Variants in FXYD6 observed in about 807,000 individuals in gnomAD.
The protein encoded by FXYD6 is FXYD domain containing ion transport regulator 6, also known as FXYD domain-containing ion transport regulator 6.
In FXYD6, 7 loss-of-function variants were observed where a neutral mutation model predicts 16.7. The ratio of observed to expected loss-of-function variants is 0.42; its 90% CI spans 0.24 to 0.79. The LOEUF is 0.79. Ranked by LOEUF, FXYD6 falls within the 30% of genes least tolerant of loss-of-function variation. The probability of loss-of-function intolerance (pLI) is 0.28; values close to 1 mark genes in which losing one functional copy is unlikely to be tolerated. For synonymous variants in FXYD6, 49 were observed against 43.0 expected (o/e 1.14, Z -0.54); for missense variants, 111 against 116.2 (o/e 0.95, Z 0.21).
At chr11:117,841,103 C>T (rs200247103) in intron 5 of FXYD6, 45 bp downstream of exon 5, 2 of 1,612,828 alleles carry the variant, frequency 1.2e-6, no homozygotes, top group African/African-American at 2.7e-5. Context: ...CCTTCCTGTC[C>T]CACCTAGTAT....
chr11:117,858,136 G>A (rs776240556), intron 1 of FXYD6: 1 of 152,206 alleles, frequency 6.6e-6, no homozygotes, highest in Non-Finnish European at 1.5e-5. Flanking sequence ...CCCCACTCCA[G>A]CGTCCCCCTG....
chr11:117,877,112 A>G (rs2057288628), upstream of FXYD6: 1 of 152,270 alleles, frequency 6.6e-6, no homozygotes, highest in South Asian at 2.1e-4. Context: ...AACCCCGAGG[A>G]ACGGAAAAAT....
intron 1 of FXYD6, among the ~76,000 whole-genome samples, chr11:117,849,342 C>A (rs2056549616): frequency 6.6e-6 from 1 of 152,118 alleles, no homozygotes; most frequent in African/African-American, 2.4e-5. Context: ...TTAAGTGCAC[C>A]AAGGTCACAA....
chr11:117,840,999 C>T, intron 5 of FXYD6, 149 bp downstream of exon 5: 1 of 1,021,240 alleles, frequency 9.8e-7, no homozygotes, highest in Non-Finnish European at 1.4e-6. Flanking sequence ...CCTGGCAGTC[C>T]TCAAACTTCC....
At chr11:117,857,020 G>C (rs565530) in intron 1 of FXYD6, among the ~76,000 whole-genome samples, 1 of 151,890 alleles carries the variant, frequency 6.6e-6, no homozygotes, top group African/African-American at 2.4e-5. Context: ...CAAAGGGAAG[G>C]GGGGTAGCCT....
intron 1 of FXYD6, among the ~76,000 whole-genome samples, chr11:117,859,336 G>A (rs910606360): frequency 6.6e-6 from 1 of 152,138 alleles, no homozygotes; most frequent in African/African-American, 2.4e-5. Flanking sequence ...GACTCACACT[G>A]CACACTTCCC....
Position 117,838,087 on chromosome 11 carries a change from C to A in FXYD6, c.*212G>T. ...CACACATCACGGGAGGTGGGCAGGA[C>A]CGCAGGCTGCAGTGGGGAGGCAAGT... is the stretch of plus-strand genomic sequence containing the variant. On this transcript the variant is annotated 3_prime_UTR_variant, in exon 8 of 8. Coordinates refer to ENST00000526014, the MANE Select transcript of FXYD6 (RefSeq NM_022003.4). The A allele has an allele frequency of 1.5e-6, 1 of 684,840 alleles. No homozygotes were observed. The highest frequency in any genetic ancestry group is 2.7e-6 in the Non-Finnish European group (1 of 374,796). The allele number at this position is 684,840 out of a possible 1,614,324, so 42.4% of individuals were successfully genotyped here.
chr11:117,839,873 A>G, intron 6 of FXYD6, 43 bp from the exon 7 acceptor site: 1 of 1,612,878 alleles, frequency 6.2e-7, no homozygotes, highest in African/African-American at 1.3e-5. Flanking sequence ...TAGACTCCTC[A>G]CCCCCGTGGG....
intron 1 of FXYD6, among the ~76,000 whole-genome samples, chr11:117,849,255 C>T (rs1210757314): frequency 6.6e-6 from 1 of 152,072 alleles, no homozygotes; most frequent in Non-Finnish European, 1.5e-5. Flanking sequence ...CTTGCTTTAC[C>T]TATGCATTAA....
At chr11:117,862,128 A>G (rs2056920154) in intron 1 of FXYD6, among the ~76,000 whole-genome samples, 1 of 152,248 alleles carries the variant, frequency 6.6e-6, no homozygotes, top group Non-Finnish European at 1.5e-5. Flanking sequence ...GGCAAAGGAA[A>G]GAGAAAGAAA....
At chr11:117,860,829 A>C (rs1175429533) in intron 1 of FXYD6, among the ~76,000 whole-genome samples, 1 of 152,246 alleles carries the variant, frequency 6.6e-6, no homozygotes, top group African/African-American at 2.4e-5. Context: ...TATATAACTC[A>C]TTCTACCCTT....
chr11:117,845,057 A>G (rs142152886), intron 1 of FXYD6, among the ~76,000 whole-genome samples: 1,791 of 152,324 alleles, frequency 0.012, 49 homozygotes, highest in Admixed American at 0.054. Context: ...TGATTTTTAG[A>G]ACATTTACAA....
At position 117,858,019 on chromosome 11, in the gene FXYD6, T is replaced by G. The variant is rs577314739; in HGVS notation, c.-5-15238A>C. ...GAATGTGTTTTATTTTTATGGGAAT[T>G]AAGCCTCATAATGCTTTCAGACAAA... On this transcript the variant is annotated intron_variant, in intron 1 of 7. Coordinates refer to ENST00000526014, the MANE Select transcript of FXYD6 (RefSeq NM_022003.4). Among the ~76,000 whole-genome samples, 16 of 152,286 alleles carry G rather than the reference T, an allele frequency of 1.1e-4. No individual in the cohort carries two copies. In the South Asian group the frequency reaches 3.3e-3, roughly 32 times the overall value.
chr11:117,848,560 C>T (rs2056530810), intron 1 of FXYD6, among the ~76,000 whole-genome samples: 1 of 152,148 alleles, frequency 6.6e-6, no homozygotes, highest in Non-Finnish European at 1.5e-5. Context: ...GAACAAGTGT[C>T]CACTCTCCTG....
Position 117,872,752 on chromosome 11 carries a change from C to G in FXYD6, c.-6+3840G>C, listed in dbSNP as rs1405752167. ...TTGTAACAAACATGTTCCTGCGCAG[C>G]CTACAAGCTGGCTTCATCCCTTCCC... is the stretch of plus-strand genomic sequence containing the variant. On this transcript the variant is annotated intron_variant, in intron 1 of 7. Transcript: ENST00000526014. The surrounding 1 kb of genome is among the most constrained non-coding windows in gnomAD (Gnocchi z 4.9). Among the ~76,000 whole-genome samples, 1 of 152,180 alleles carries G rather than the reference C, an allele frequency of 6.6e-6. No individual in the cohort carries two copies. Among genetic ancestry groups the G allele is most frequent in the African/African-American group, 2.4e-5 (1 of 41,436 alleles).
intron 1 of FXYD6, among the ~76,000 whole-genome samples, chr11:117,857,151 G>T (rs1395686924): frequency 6.6e-6 from 1 of 152,182 alleles, no homozygotes; most frequent in South Asian, 2.1e-4. Context: ...AGGTGACAGT[G>T]CTGGCTTCAG....
Position 117,837,951 on chromosome 11 carries a change from C to G in FXYD6, c.*348G>C, listed in dbSNP as rs553208196. On this transcript the variant is annotated 3_prime_UTR_variant, in exon 8 of 8. Coordinates refer to ENST00000526014, the MANE Select transcript of FXYD6 (RefSeq NM_022003.4). The surrounding 1 kb of genome is among the most constrained non-coding windows in gnomAD (Gnocchi z 4.4). ...AGATGGCCATGTGGCTCAGCCCCTG[C>G]CTGGGAAAGCGAGTCCACAGTTCAC... 1 of 505,976 alleles carries G rather than the reference C, an allele frequency of 2.0e-6. No homozygotes were observed. Among genetic ancestry groups the G allele is most frequent in the African/African-American group, 1.9e-5 (1 of 51,960 alleles). 31.3% of individuals were successfully genotyped at this position (505,976 alleles called of 1,614,324 possible).
chr11:117,856,747 C>A (rs529994060), intron 1 of FXYD6, among the ~76,000 whole-genome samples: 2 of 152,172 alleles, frequency 1.3e-5, no homozygotes, highest in African/African-American at 2.4e-5. Context: ...TGAGGTCTAC[C>A]AGATGGAGTT....
chr11:117,848,057 T>C (rs2134151728), intron 1 of FXYD6, among the ~76,000 whole-genome samples: 1 of 152,366 alleles, frequency 6.6e-6, no homozygotes, highest in Middle Eastern at 3.4e-3. Flanking sequence ...ATCGCCATTC[T>C]AACTGGTGTG....
Sources: gnomAD v4.1 joint callset for allele counts (sites outside exome capture counted in the v4.1 genomes callset) on GRCh38, gnomAD v4.1.1 for gene constraint, Gnocchi (gnomAD v3.1) non-coding constraint, MANE v1.5 for transcripts, NCBI Gene and HGNC (gene_info 2026-07-23, HGNC 2026-07-21) for gene names.